PRKCA: variants seen among roughly 807,000 people sequenced by gnomAD.
PRKCA encodes the protein protein kinase C alpha.
Under a neutral mutation model 87.0 loss-of-function variants are expected in PRKCA, and 27 were observed. The ratio of observed to expected loss-of-function variants is 0.31; its 90% CI spans 0.23 to 0.43. The LOEUF (loss-of-function observed/expected upper bound fraction) is 0.43. Ranked by LOEUF, PRKCA falls within the 20% of genes least tolerant of loss-of-function variation. PRKCA has a pLI of 1.00. For missense variants in PRKCA, 518 were observed against 852.3 expected, an observed-to-expected ratio of 0.61 and a Z score of 4.88; for synonymous variants, 329 against 311.1, an observed-to-expected ratio of 1.06 and a Z score of -0.61.
chr17:66,679,309 T>C (rs1435497434), intron 5 of PRKCA, among the ~76,000 whole-genome samples: 1 of 151,516 alleles, frequency 6.6e-6, no homozygotes, highest in Non-Finnish European at 1.5e-5. Context: ...GCCTCCCGAG[T>C]AGCTGTGACT....
Position 66,544,099 on chromosome 17 carries a change from C to T in PRKCA, c.288+47816C>T, listed in dbSNP as rs1430152030. On this transcript the variant is annotated intron_variant, in intron 3 of 16. Coordinates refer to ENST00000413366, the MANE Select transcript of PRKCA (RefSeq NM_002737.3). ...GTGTGGTGGTGCACACCTGTAGTCCCTGCTACTGGGGTGGTGGGGGGAGCT... is the reference window on the plus strand; with the variant it reads ...GTGTGGTGGTGCACACCTGTAGTCCTTGCTACTGGGGTGGTGGGGGGAGCT... Among the ~76,000 whole-genome samples, 3 of 152,068 alleles carry T rather than the reference C, an allele frequency of 2.0e-5. No individual in the cohort carries two copies. In the South Asian group the frequency reaches 6.3e-4, roughly 32 times the overall value.
intron 14 of PRKCA, among the ~76,000 whole-genome samples, chr17:66,782,640 C>G (rs28412064): frequency 6.6e-6 from 1 of 152,142 alleles, no homozygotes; most frequent in Non-Finnish European, 1.5e-5. Flanking sequence ...TGCCCCACCC[C>G]CTTCATTTTC....
intron 2 of PRKCA, among the ~76,000 whole-genome samples, chr17:66,378,117 G>T (rs1441911565): frequency 6.6e-6 from 1 of 152,036 alleles, no homozygotes; most frequent in Non-Finnish European, 1.5e-5. Context: ...GAGGTGAGGA[G>T]TTCGAGACCA....
intron 2 of PRKCA, among the ~76,000 whole-genome samples, chr17:66,337,199 G>T (rs1906753685): frequency 6.6e-6 from 1 of 152,140 alleles, no homozygotes; most frequent in Non-Finnish European, 1.5e-5. Flanking sequence ...GGCAGGCAGG[G>T]AGGTTACATG....
At chr17:66,487,594 A>G (rs1432629149) in intron 2 of PRKCA, among the ~76,000 whole-genome samples, 3 of 152,200 alleles carry the variant, frequency 2.0e-5, no homozygotes, top group South Asian at 2.1e-4. Context: ...GGGAGAGTCC[A>G]TAGTGCTTTC....
chr17:66,580,660 G>A (rs908097934), intron 3 of PRKCA, among the ~76,000 whole-genome samples: 20 of 152,182 alleles, frequency 1.3e-4, no homozygotes, highest in Admixed American at 2.6e-4. Context: ...CATGAAAAGT[G>A]CAATATTGTC....
chr17:66,332,229 CTTTTT>C (rs59302970), intron 2 of PRKCA, among the ~76,000 whole-genome samples: 1 of 129,922 alleles, frequency 7.7e-6, no homozygotes. Context: ...TTCCTTCCTT[CTTTTT>C]TTTTTTTTTT....
Position 66,374,345 on chromosome 17 carries a change from G to A in PRKCA, c.205+68218G>A, listed in dbSNP as rs896246937. Among the ~76,000 whole-genome samples, 7 of 152,120 alleles carry A rather than the reference G, an allele frequency of 4.6e-5. 1 individual carries two copies. The highest frequency in any genetic ancestry group is 3.9e-4 in the East Asian group (2 of 5,186). ...TGGCTTCAGTCCCCGGTGGGGGAGCGCTGGGGTGTTCCGCCTCCTAAGAGA... is the reference window on the plus strand; with the variant it reads ...TGGCTTCAGTCCCCGGTGGGGGAGCACTGGGGTGTTCCGCCTCCTAAGAGA... On this transcript the variant is annotated intron_variant, in intron 2 of 16. Transcript: ENST00000413366.
chr17:66,742,593 G>A (rs767311985), intron 12 of PRKCA, 29 bp from the exon 13 acceptor site: 1 of 1,610,500 alleles, frequency 6.2e-7, no homozygotes, highest in Non-Finnish European at 8.5e-7. Flanking sequence ...TCATGGGAAG[G>A]ACTCTGATGT....
At chr17:66,398,281 A>G (rs1300166710) in intron 2 of PRKCA, 1 of 152,224 alleles carries the variant, frequency 6.6e-6, no homozygotes, top group Non-Finnish European at 1.5e-5. Flanking sequence ...ATTCCAGCCC[A>G]CAGATTCTAT....
intron 8 of PRKCA, among the ~76,000 whole-genome samples, chr17:66,703,098 CAATTT>C (rs1357695914): frequency 6.6e-6 from 1 of 152,152 alleles, no homozygotes; most frequent in East Asian, 1.9e-4. Context: ...AGGCTACACT[CAATTT>C]ATTTTTAAAA....
At chr17:66,765,416 G>GTA (rs1276368624) in intron 13 of PRKCA, among the ~76,000 whole-genome samples, 1 of 16,030 alleles carries the variant, frequency 6.2e-5, no homozygotes, top group African/African-American at 2.2e-4. Flanking sequence ...GCAAGACTTT[G>GTA]TCTATATATA....
At position 66,368,672 on chromosome 17, in the gene PRKCA, A is replaced by G. The variant is rs555231314; in HGVS notation, c.205+62545A>G. Among the ~76,000 whole-genome samples the G allele has an allele frequency of 5.9e-5, 9 of 152,136 alleles. No individual in the cohort carries two copies. In the South Asian group the frequency reaches 8.3e-4, roughly 14 times the overall value. On this transcript the variant is annotated intron_variant, in intron 2 of 16. Transcript: ENST00000413366. The stretch of plus-strand genomic sequence containing the variant: ...CTCCCAAAGTGCTGAGATTACAGGC[A>G]TAAGCCACCATGCCTGGTCTCTTAG...
chr17:66,533,908 G>T (rs1967662383), intron 3 of PRKCA, among the ~76,000 whole-genome samples: 1 of 152,170 alleles, frequency 6.6e-6, no homozygotes, highest in South Asian at 2.1e-4. Flanking sequence ...AGACTCTGCA[G>T]CGCATCAGCC....
At chr17:66,788,518 A>G (rs567301767) in intron 15 of PRKCA, among the ~76,000 whole-genome samples, 1 of 151,948 alleles carries the variant, frequency 6.6e-6, no homozygotes, top group South Asian at 2.1e-4. Context: ...TTATTACTAG[A>G]TACATGTATA....
chr17:66,448,415 C>T (rs78025313), intron 2 of PRKCA, among the ~76,000 whole-genome samples: 2,155 of 152,248 alleles, frequency 0.014, 47 homozygotes, highest in African/African-American at 0.049. Context: ...GTTTTGGCTG[C>T]GTTAGGCTCT....
chr17:66,645,633 T>C, intron 5 of PRKCA, 122 bp downstream of exon 5: 16 of 1,394,766 alleles, frequency 1.1e-5, no homozygotes, highest in African/African-American at 1.4e-5. Context: ...GCAGTCGCCC[T>C]GGTGGAGCCA....
chr17:66,764,928 T>C (rs1165740753), intron 13 of PRKCA, among the ~76,000 whole-genome samples: 1 of 152,050 alleles, frequency 6.6e-6, no homozygotes, highest in African/African-American at 2.4e-5. Context: ...CTGAGCCTGG[T>C]CCTCAGCCCA....
Position 66,803,790 on chromosome 17 carries a change from C to T in PRKCA, c.1855-83C>T. 2.6e-6 allele frequency: 4 copies of T among 1,557,812 alleles called. No individual in the cohort carries two copies. The South Asian group carries it at 4.8e-5, about 19-fold the overall frequency. On this transcript the variant is annotated intron_variant, in intron 16 of 16. Coordinates refer to ENST00000413366, the MANE Select transcript of PRKCA (RefSeq NM_002737.3). The surrounding 1 kb of genome is among the most constrained non-coding windows in gnomAD (Gnocchi z 4.4). ...GCCCGGAGTTCCCCAGGGCCGTGCC[C>T]CTCCCCAGAGAGGGCCCTCGGAGAG...
Sources: gnomAD v4.1 joint callset for allele counts (sites outside exome capture counted in the v4.1 genomes callset) on GRCh38, gnomAD v4.1.1 for gene constraint, Gnocchi (gnomAD v3.1) non-coding constraint, MANE v1.5 for transcripts, NCBI Gene and HGNC (gene_info 2026-07-23, HGNC 2026-07-21) for gene names.